The following MFSD2B variants were observed in gnomAD, a reference collection of about 807,000 sequenced individuals.
MFSD2B encodes sphingosine-1-phosphate transporter MFSD2B.
MFSD2B carries 56 observed loss-of-function variants against 58.4 expected under a neutral mutation model. The ratio of observed to expected loss-of-function variants is 0.96; its 90% CI spans 0.77 to 1.20. MFSD2B has a LOEUF of 1.20. Among genes scored for constraint, MFSD2B ranks in the 50% most tolerant of loss-of-function variants. MFSD2B has a pLI of 0.00. For missense variants in MFSD2B, 645 were observed against 667.6 expected (o/e 0.97, Z 0.37); for synonymous variants, 287 against 294.4 (o/e 0.97, Z 0.26).
chr2:24,021,665 TGCG>T lies in MFSD2B; in HGVS notation c.702_704del (p.Ala236del). Reference sequence around the variant, plus strand: ...TCCCACAGGCCCATCTCTACTGCATTGCGGCTGCCGTGGTTGTAGTGACTTACC... The same window carrying T: ...TCCCACAGGCCCATCTCTACTGCATTGCTGCCGTGGTTGTAGTGACTTACC... On this transcript the variant is annotated inframe_deletion, in exon 7 of 14. Transcript: ENST00000338315. This position sits in a 1 kb window ranked among gnomAD's most constrained non-coding sequence, Gnocchi z 5.7. 6.2e-7 allele frequency: 1 copy of T among 1,613,176 alleles called. No homozygotes were observed. Among genetic ancestry groups the T allele is most frequent in the Non-Finnish European group, 8.5e-7 (1 of 1,179,608 alleles).
At chr2:24,019,670 C>CA (rs1662685266) in intron 6 of MFSD2B, among the ~76,000 whole-genome samples, 1 of 152,188 alleles carries the variant, frequency 6.6e-6, no homozygotes, top group Non-Finnish European at 1.5e-5. Context: ...TTGCAGTGAG[C>CA]AGGGATCACG....
At position 24,023,038 on chromosome 2, in the gene MFSD2B, A is replaced by T; in HGVS notation, c.1060-92A>T. Reference sequence around the variant, plus strand: ...GAGTCTTTAGGGCCTAGCACAGGGCAAGGCATGGGGGTCGTCAGTCGAGTC... The same window carrying T: ...GAGTCTTTAGGGCCTAGCACAGGGCTAGGCATGGGGGTCGTCAGTCGAGTC... On this transcript the variant is annotated intron_variant, in intron 10 of 13. Transcript: ENST00000338315. This position sits in a 1 kb window ranked among gnomAD's most constrained non-coding sequence, Gnocchi z 5.0. 7.5e-7 allele frequency: 1 copy of T among 1,335,894 alleles called. No individual in the cohort carries two copies. Among genetic ancestry groups the T allele is most frequent in the Non-Finnish European group, 1.1e-6 (1 of 935,480 alleles). The allele number at this position is 1,335,894 out of a possible 1,614,324, so 82.8% of individuals were successfully genotyped here.
rs1573644678 is a variant in MFSD2B, at chr2:24,022,644, G to C, written c.978+128G>C. 9.0e-6 allele frequency: 8 copies of C among 890,296 alleles called. No homozygotes were observed. In the East Asian group the frequency reaches 1.9e-4, roughly 21 times the overall value. 55.1% of individuals were successfully genotyped at this position (890,296 alleles called of 1,614,324 possible). ...ACATTTTGGACTTTGCTTTGGTCTT[G>C]GTCACCTGCATTCCAGCAGAGGGTA... is the stretch of plus-strand genomic sequence containing the variant. On this transcript the variant is annotated intron_variant, in intron 9 of 13. Transcript: ENST00000338315. The surrounding 1 kb of genome is among the most constrained non-coding windows in gnomAD (Gnocchi z 4.5).
chr2:24,010,462 G>T (rs1248621169), intron 1 of MFSD2B, among the ~76,000 whole-genome samples: 1 of 152,204 alleles, frequency 6.6e-6, no homozygotes, highest in Non-Finnish European at 1.5e-5. Context: ...CCGGCTTAGG[G>T]GTCTTGTCCG....
Position 24,022,726 on chromosome 2 carries a change from C to T in MFSD2B, c.979-96C>T. 1.0e-6 allele frequency: 1 copy of T among 996,194 alleles called. No homozygotes were observed. The allele number at this position is 996,194 out of a possible 1,614,324, so 61.7% of individuals were successfully genotyped here. A position where few individuals can be genotyped will look rare whatever the true frequency, so the allele number is the denominator to read the frequency against. On this transcript the variant is annotated intron_variant, in intron 9 of 13. Transcript: ENST00000338315. This position sits in a 1 kb window ranked among gnomAD's most constrained non-coding sequence, Gnocchi z 4.5. ...CACCGGTTTGAACCAGGGGCAAGGC[C>T]AAGGTCAGGCATCCAATCTAAAAGC...
rs763148373 is a variant in MFSD2B, at chr2:24,021,734, G to T, written c.768G>T (p.Arg256=). Residue 256 remains arginine (R), a synonymous_variant, in exon 7 of 14, where the codon CGG becomes CGT. Transcript: ENST00000338315. The surrounding 1 kb of genome is among the most constrained non-coding windows in gnomAD (Gnocchi z 5.7). ...TACTGTGCCTAGGGGTGAAGGAGCGGCCAGGTATGGGGTTTGGTGAGGAGG... is the reference window on the plus strand; with the variant it reads ...TACTGTGCCTAGGGGTGAAGGAGCGTCCAGGTATGGGGTTTGGTGAGGAGG... ...ISLLCLGVKE[R]PDPSAPASGP... is the part of the protein sequence containing the mutation. The T allele has an allele frequency of 3.7e-6, 6 of 1,613,338 alleles. No individual in the cohort carries two copies. The South Asian group carries it at 6.6e-5, about 18-fold the overall frequency.
chr2:24,022,033 A>G lies in MFSD2B; in HGVS notation c.894+63A>G. ...GGCCATGCTGACCTTGCATAGGTTC[A>G]GGGTGCAGTCTTGGCTTGAGTTTTA... On this transcript the variant is annotated intron_variant, in intron 8 of 13. Transcript: ENST00000338315. The surrounding 1 kb of genome is among the most constrained non-coding windows in gnomAD (Gnocchi z 4.5). 6.2e-7 allele frequency: 1 copy of G among 1,603,054 alleles called. No individual in the cohort carries two copies. The highest frequency in any genetic ancestry group is 8.5e-7 in the Non-Finnish European group (1 of 1,171,560).
At position 24,022,006 on chromosome 2, in the gene MFSD2B, C is replaced by A; in HGVS notation, c.894+36C>A. ...CCAGCTGCCCCCGACAGGCTTGGTG[C>A]TGGCCATGCTGACCTTGCATAGGTT... On this transcript the variant is annotated intron_variant, in intron 8 of 13. Coordinates refer to ENST00000338315, the MANE Select transcript of MFSD2B (RefSeq NM_001346880.2). The surrounding 1 kb of genome is among the most constrained non-coding windows in gnomAD (Gnocchi z 4.5). 6.2e-7 allele frequency: 1 copy of A among 1,613,140 alleles called. No individual in the cohort carries two copies. Among genetic ancestry groups the A allele is most frequent in the Non-Finnish European group, 8.5e-7 (1 of 1,179,370 alleles).
Position 24,021,517 on chromosome 2 carries a change from G to T in MFSD2B, c.682-131G>T. 1.3e-6 allele frequency: 1 copy of T among 761,092 alleles called. No homozygotes were observed. 47.1% of individuals were successfully genotyped at this position (761,092 alleles called of 1,614,324 possible). A position where few individuals can be genotyped will look rare whatever the true frequency, so the allele number is the denominator to read the frequency against. On this transcript the variant is annotated intron_variant, in intron 6 of 13. Coordinates refer to ENST00000338315, the MANE Select transcript of MFSD2B (RefSeq NM_001346880.2). This position sits in a 1 kb window ranked among gnomAD's most constrained non-coding sequence, Gnocchi z 5.7. ...TCCTGTGGGGTGATTGGGAGGTGGG[G>T]ACCCAGCGTCCTGGGCTTGGGTTGT... is the stretch of plus-strand genomic sequence containing the variant.
In MFSD2B at chr2:24,017,637, G is replaced by A. The variant is rs1709209864; in HGVS notation, c.681+49G>A. 6.6e-7 allele frequency: 1 copy of A among 1,507,344 alleles called. No individual in the cohort carries two copies. The highest frequency in any genetic ancestry group is 8.9e-7 in the Non-Finnish European group (1 of 1,123,268). 93.4% of individuals were successfully genotyped at this position (1,507,344 alleles called of 1,614,324 possible). ...CCCCCAACCTGGGGTCCCCTCTGCAGGGTCACCTCCTTCCTCTAGGGCTGG... is the reference window on the plus strand; with the variant it reads ...CCCCCAACCTGGGGTCCCCTCTGCAAGGTCACCTCCTTCCTCTAGGGCTGG... On this transcript the variant is annotated intron_variant, in intron 6 of 13. Transcript: ENST00000338315. This position sits in a 1 kb window ranked among gnomAD's most constrained non-coding sequence, Gnocchi z 4.8.
intron 2 of MFSD2B, 141 bp from the exon 3 acceptor site, chr2:24,016,015 G>A: frequency 1.4e-5 from 14 of 1,020,342 alleles, no homozygotes; most frequent in Non-Finnish European, 2.1e-5. Context: ...GCATCCTGGG[G>A]AAGGCTGAGG....
intron 2 of MFSD2B, among the ~76,000 whole-genome samples, chr2:24,014,584 A>G (rs981801065): frequency 1.3e-5 from 2 of 152,204 alleles, no homozygotes; most frequent in Non-Finnish European, 2.9e-5. Flanking sequence ...GATTTCCATG[A>G]TGCTCTGGTG....
chr2:24,020,419 T>C lies in MFSD2B; in HGVS notation c.682-1229T>C, dbSNP rs1662731413. Among the ~76,000 whole-genome samples, 1 of 151,972 alleles carries C rather than the reference T, an allele frequency of 6.6e-6. No individual in the cohort carries two copies. The highest frequency in any genetic ancestry group is 1.5e-5 in the Non-Finnish European group (1 of 67,954). ...GCCCAGGGCGGTTGCACAGGATGAG[T>C]GCCCTGCCCCACCCTGCGCCCTCCC... On this transcript the variant is annotated intron_variant, in intron 6 of 13. Transcript: ENST00000338315. This position sits in a 1 kb window ranked among gnomAD's most constrained non-coding sequence, Gnocchi z 4.1.
At chr2:24,013,173 G>A (rs1490306074) in intron 1 of MFSD2B, 112 bp from the exon 2 acceptor site, 13 of 1,141,428 alleles carry the variant, frequency 1.1e-5, no homozygotes, top group South Asian at 3.1e-5. Flanking sequence ...AGAGGTTGCT[G>A]GAAAAGCCCT....
In MFSD2B at chr2:24,024,922, G is replaced by A. The variant is rs1407767239; in HGVS notation, c.1491-510G>A. On this transcript the variant is annotated intron_variant, in intron 13 of 13. Coordinates refer to ENST00000338315, the MANE Select transcript of MFSD2B (RefSeq NM_001346880.2). This position sits in a 1 kb window ranked among gnomAD's most constrained non-coding sequence, Gnocchi z 4.3. Reference sequence around the variant, plus strand: ...ATCTACTCACTGTCTGACCTTCCGGGGAGGCTATGGGAACCTTGAAGGCTG... The same window carrying A: ...ATCTACTCACTGTCTGACCTTCCGGAGAGGCTATGGGAACCTTGAAGGCTG... 2.0e-5 allele frequency among the ~76,000 whole-genome samples: 3 copies of A among 152,086 alleles called. No homozygotes were observed. Among genetic ancestry groups the A allele is most frequent in the Non-Finnish European group, 4.4e-5 (3 of 68,014 alleles).
At position 24,016,156 on chromosome 2, in the gene MFSD2B, A is replaced by C. The variant is rs1211033211; in HGVS notation, c.223A>C (p.Ile75Leu). ...LQLFLLDIAQ[I>L]PAAQVSLVLF... The stretch of plus-strand genomic sequence containing the variant: ...CTATCCCCTCCCCTGTCTGTTTCAG[A>C]TCCCTGCCGCCCAGGTGTCACTTGT... Residue 75 changes from isoleucine to leucine, a missense_variant and splice_region_variant, in exon 3 of 14, where the codon ATC becomes CTC. Transcript: ENST00000338315. The C allele has an allele frequency of 6.2e-7, 1 of 1,613,136 alleles. No homozygotes were observed. Among genetic ancestry groups the C allele is most frequent in the Non-Finnish European group, 8.5e-7 (1 of 1,179,818 alleles).
rs1249909426 is a variant in MFSD2B, at chr2:24,017,625, G to A, written c.681+37G>A. On this transcript the variant is annotated intron_variant, in intron 6 of 13. Coordinates refer to ENST00000338315, the MANE Select transcript of MFSD2B (RefSeq NM_001346880.2). This position sits in a 1 kb window ranked among gnomAD's most constrained non-coding sequence, Gnocchi z 4.8. The stretch of plus-strand genomic sequence containing the variant: ...GGGTGGCAAGGCCCCCCAACCTGGG[G>A]TCCCCTCTGCAGGGTCACCTCCTTC... The A allele has an allele frequency of 6.6e-7, 1 of 1,522,080 alleles. No homozygotes were observed. The highest frequency in any genetic ancestry group is 8.8e-7 in the Non-Finnish European group (1 of 1,130,978). The allele number at this position is 1,522,080 out of a possible 1,614,324, so 94.3% of individuals were successfully genotyped here. A position where few individuals can be genotyped will look rare whatever the true frequency, so the allele number is the denominator to read the frequency against.
In MFSD2B at chr2:24,017,476, C is replaced by T. The variant is rs747478572; in HGVS notation, c.569C>T (p.Ala190Val). The T allele has an allele frequency of 5.6e-6, 9 of 1,600,248 alleles. No homozygotes were observed. The highest frequency in any genetic ancestry group is 3.4e-5 in the Admixed American group (2 of 58,246). The change falls in exon 6 of 14, where the codon GCG (alanine) becomes GTG (valine). Residue 190 changes from alanine to valine, a missense_variant. Physicochemically the swap from Ala to Val is moderately conservative, Grantham distance 64 (BLOSUM62 0). Transcript: ENST00000338315. The surrounding 1 kb of genome is among the most constrained non-coding windows in gnomAD (Gnocchi z 4.8). ...ATAYRMTVEM[A>V]GTLMGATVHG... The stretch of plus-strand genomic sequence containing the variant: ...TCTCCAGGGATGACTGTGGAGATGG[C>T]GGGAACACTGATGGGGGCCACTGTC...
At chr2:24,013,125 A>T in intron 1 of MFSD2B, 160 bp from the exon 2 acceptor site, 1 of 550,832 alleles carries the variant, frequency 1.8e-6, no homozygotes, top group Non-Finnish European at 2.9e-6. Flanking sequence ...TCTTCGTCTC[A>T]CTTCCTCTTA....
Sources: allele counts gnomAD v4.1 joint callset (sites outside exome capture counted in the v4.1 genomes callset), GRCh38; gene constraint gnomAD v4.1.1; non-coding constraint Gnocchi (gnomAD v3.1); transcripts MANE v1.5; gene names NCBI Gene and HGNC (gene_info 2026-07-23, HGNC 2026-07-21).